Variants in GNG4 observed in about 807,000 individuals in gnomAD.
The protein encoded by GNG4 is guanine nucleotide-binding protein G(I)/G(S)/G(O) subunit gamma-4.
A neutral mutation model predicts 5.8 loss-of-function variants in GNG4; 4 were observed. The observed-to-expected ratio is 0.69, with a 90% CI of 0.34 to 1.57. The LOEUF is 1.57. GNG4 is among the 40% of genes most tolerant of loss of function. The pLI is 0.06. For missense variants in GNG4, 96 were observed against 95.1 expected (o/e 1.01, Z -0.04); for synonymous variants, 29 against 32.9 (o/e 0.88, Z 0.41).
At chr1:235,594,686 C>G (rs563831137) in intron 2 of GNG4, among the ~76,000 whole-genome samples, 3 of 152,196 alleles carry the variant, frequency 2.0e-5, no homozygotes, top group Non-Finnish European at 4.4e-5. Flanking sequence ...AGTGCGGGGC[C>G]GCTAAACCCA....
At chr1:235,640,186 C>T (rs566510806) in intron 1 of GNG4, among the ~76,000 whole-genome samples, 20 of 152,168 alleles carry the variant, frequency 1.3e-4, no homozygotes, top group African/African-American at 3.4e-4. Flanking sequence ...ATCATGCTTA[C>T]GGTGGTCAAA....
chr1:235,589,283 G>A (rs944006153), intron 2 of GNG4, among the ~76,000 whole-genome samples: 1 of 152,158 alleles, frequency 6.6e-6, no homozygotes, highest in South Asian at 2.1e-4. Flanking sequence ...GTAGACAGGG[G>A]GAGCCAGGGC....
rs545494999 is a variant in GNG4, at chr1:235,556,929, C to T, written c.100-4692G>A. On this transcript the variant is annotated intron_variant, in intron 3 of 3. Coordinates refer to ENST00000391854, the MANE Select transcript of GNG4 (RefSeq NM_001098722.2). ...GCTTGCAACCTAGATCCCTCACACG[C>T]GCAGTTCACAATTGGGTTTGTGCTC... Among the ~76,000 whole-genome samples the T allele has an allele frequency of 2.8e-4, 42 of 152,030 alleles. No individual in the cohort carries two copies. The South Asian group carries it at 7.3e-3, about 26-fold the overall frequency.
chr1:235,601,368 C>G (rs1346402311), intron 1 of GNG4, among the ~76,000 whole-genome samples: 1 of 152,164 alleles, frequency 6.6e-6, no homozygotes, highest in Non-Finnish European at 1.5e-5. Flanking sequence ...GCGCCATGGA[C>G]TGCTGGAATC....
intron 3 of GNG4, among the ~76,000 whole-genome samples, chr1:235,554,898 A>T (rs916228300): frequency 4.6e-4 from 69 of 150,874 alleles, no homozygotes; most frequent in African/African-American, 1.6e-3. Context: ...TGCCCTCTCC[A>T]GTTTTCTAGT....
chr1:235,642,180 G>A lies in GNG4; in HGVS notation c.-123+7482C>T, dbSNP rs1485324020. Among the ~76,000 whole-genome samples, 10 of 152,210 alleles carry A rather than the reference G, an allele frequency of 6.6e-5. No individual in the cohort carries two copies. The highest frequency in any genetic ancestry group is 1.5e-4 in the Non-Finnish European group (10 of 68,048). ...CAGCGGTCCGAGGCGAACGCAGGGTGGAAGAACCCGAGCGAGGCCCGGCAG... is the reference window on the plus strand; with the variant it reads ...CAGCGGTCCGAGGCGAACGCAGGGTAGAAGAACCCGAGCGAGGCCCGGCAG... On this transcript the variant is annotated intron_variant, in intron 1 of 3. Coordinates refer to ENST00000391854, the MANE Select transcript of GNG4 (RefSeq NM_001098722.2). This position sits in a 1 kb window ranked among gnomAD's most constrained non-coding sequence, Gnocchi z 4.3.
At chr1:235,625,037 G>C (rs1688781122) in intron 1 of GNG4, among the ~76,000 whole-genome samples, 1 of 152,156 alleles carries the variant, frequency 6.6e-6, no homozygotes, top group Non-Finnish European at 1.5e-5. Flanking sequence ...CAGCTGCCAA[G>C]CTGATGAGGA....
At chr1:235,582,478 C>T (rs992903283) in intron 3 of GNG4, among the ~76,000 whole-genome samples, 4 of 152,232 alleles carry the variant, frequency 2.6e-5, no homozygotes, top group Admixed American at 2.6e-4. Flanking sequence ...GTCGCCTTCA[C>T]ATTTCTCTCC....
At chr1:235,559,747 C>A (rs1274205188) in intron 3 of GNG4, among the ~76,000 whole-genome samples, 1 of 152,156 alleles carries the variant, frequency 6.6e-6, no homozygotes, top group Non-Finnish European at 1.5e-5. Flanking sequence ...GTCTCTGAAC[C>A]CTTAAGTCAA....
intron 1 of GNG4, among the ~76,000 whole-genome samples, chr1:235,607,489 C>G (rs552576799): frequency 6.6e-6 from 1 of 152,292 alleles, no homozygotes; most frequent in East Asian, 1.9e-4. Context: ...GGCCTACTCT[C>G]GGGAGGCAGC....
chr1:235,638,242 T>C (rs917130852), intron 1 of GNG4, among the ~76,000 whole-genome samples: 1 of 152,204 alleles, frequency 6.6e-6, no homozygotes, highest in South Asian at 2.1e-4. Context: ...CCCTTCAAAA[T>C]AGAGGAATGG....
intron 1 of GNG4, among the ~76,000 whole-genome samples, chr1:235,617,092 A>G (rs1156717897): frequency 6.6e-6 from 1 of 152,078 alleles, no homozygotes; most frequent in Non-Finnish European, 1.5e-5. Context: ...ATGCAAAAAT[A>G]CAGCCAGTGG....
intron 2 of GNG4, among the ~76,000 whole-genome samples, chr1:235,588,476 G>A (rs947124902): frequency 2.6e-5 from 4 of 151,960 alleles, no homozygotes; most frequent in Admixed American, 2.0e-4. Context: ...TACCACCACT[G>A]TCTCCCAAGA....
intron 1 of GNG4, among the ~76,000 whole-genome samples, chr1:235,597,166 T>G (rs545925113): frequency 6.6e-6 from 1 of 152,306 alleles, no homozygotes; most frequent in East Asian, 1.9e-4. Context: ...ATGAGTTCAT[T>G]CCCCAAGGGT....
At position 235,648,259 on chromosome 1, in the gene GNG4, C is replaced by A. The variant is rs537789244; in HGVS notation, c.-123+1403G>T. Among the ~76,000 whole-genome samples, 1 of 152,296 alleles carries A rather than the reference C, an allele frequency of 6.6e-6. No individual in the cohort carries two copies. The highest frequency in any genetic ancestry group is 2.4e-5 in the African/African-American group (1 of 41,556). Reference sequence around the variant, plus strand: ...CCTAACTAACCCCATGGTGAGGCTGCTCATTAACAGGCAAGGCATCACTGT... The same window carrying A: ...CCTAACTAACCCCATGGTGAGGCTGATCATTAACAGGCAAGGCATCACTGT... On this transcript the variant is annotated intron_variant, in intron 1 of 3. Transcript: ENST00000391854. This position sits in a 1 kb window ranked among gnomAD's most constrained non-coding sequence, Gnocchi z 5.0.
chr1:235,594,686 C>T (rs563831137), intron 2 of GNG4, among the ~76,000 whole-genome samples: 27 of 152,312 alleles, frequency 1.8e-4, no homozygotes, highest in African/African-American at 5.3e-4. Flanking sequence ...AGTGCGGGGC[C>T]GCTAAACCCA....
intron 1 of GNG4, among the ~76,000 whole-genome samples, chr1:235,634,649 C>T (rs1688996602): frequency 6.6e-6 from 1 of 152,202 alleles, no homozygotes; most frequent in Non-Finnish European, 1.5e-5. Flanking sequence ...AGTAAGGCTG[C>T]CTTCCTTTGC....
chr1:235,592,554 C>T (rs1198803168), intron 2 of GNG4, among the ~76,000 whole-genome samples: 1 of 152,094 alleles, frequency 6.6e-6, no homozygotes, highest in East Asian at 1.9e-4. Context: ...GGAGGGAGTC[C>T]TGCCCACAAG....
intron 3 of GNG4, among the ~76,000 whole-genome samples, chr1:235,570,968 T>G (rs1370568569): frequency 6.9e-6 from 1 of 145,320 alleles, no homozygotes; most frequent in African/African-American, 2.5e-5. Context: ...ATACCTTTTT[T>G]TTTTTTTTTT....
Sources: allele counts gnomAD v4.1 joint callset (sites outside exome capture counted in the v4.1 genomes callset), GRCh38; gene constraint gnomAD v4.1.1; non-coding constraint Gnocchi (gnomAD v3.1); transcripts MANE v1.5; gene names NCBI Gene and HGNC (gene_info 2026-07-23, HGNC 2026-07-21).